TAF4: variants seen among roughly 807,000 people sequenced by gnomAD.
TAF4 encodes the protein TATA-box binding protein associated factor 4.
In TAF4, 9 loss-of-function variants were observed where a neutral mutation model predicts 90.3. The observed-to-expected ratio is 0.10, with a 90% CI of 0.06 to 0.17. The LOEUF (loss-of-function observed/expected upper bound fraction) is 0.17. TAF4 is among the 10% of genes least tolerant of loss of function. The pLI, the probability that TAF4 is intolerant of heterozygous loss-of-function variation, is 1.00. For synonymous variants in TAF4, 818 were observed against 638.9 expected (o/e 1.28, Z -4.23); for missense variants, 1,351 against 1,370.7 (o/e 0.99, Z 0.23).
At chr20:62,040,714 C>T (rs1043160277) in intron 1 of TAF4, among the ~76,000 whole-genome samples, 1 of 152,232 alleles carries the variant, frequency 6.6e-6, no homozygotes, top group African/African-American at 2.4e-5. Flanking sequence ...GATCTCACGG[C>T]AGCAGCACTG....
chr20:61,981,731 G>A (rs923927409), intron 14 of TAF4, among the ~76,000 whole-genome samples: 15 of 151,750 alleles, frequency 9.9e-5, no homozygotes, highest in East Asian at 1.9e-4. Flanking sequence ...CCCAGGAGAC[G>A]TTCACAAAAG....
intron 1 of TAF4, among the ~76,000 whole-genome samples, chr20:62,041,473 C>CA (rs1318166019): frequency 6.6e-6 from 1 of 151,890 alleles, no homozygotes; most frequent in African/African-American, 2.4e-5. Context: ...ACTAAAAATA[C>CA]AAAAAATCAG....
intron 14 of TAF4, among the ~76,000 whole-genome samples, chr20:61,984,677 G>GCACGATGAAGTGC (rs543174458): frequency 4.0e-5 from 1 of 24,940 alleles, no homozygotes; most frequent in African/African-American, 9.5e-5. Flanking sequence ...CGGGACATCA[G>GCACGATGAAGTGC]CACCCAGCTG....
At position 62,012,885 on chromosome 20, in the gene TAF4, A is replaced by G; in HGVS notation, c.1571T>C (p.Ile524Thr). 1 of 1,614,178 alleles carries G rather than the reference A, an allele frequency of 6.2e-7. No homozygotes were observed. The highest frequency in any genetic ancestry group is 8.5e-7 in the Non-Finnish European group (1 of 1,180,026). The change falls in exon 3 of 15, where the codon ATT (isoleucine) becomes ACT (threonine). Residue 524 changes from isoleucine (I) to threonine (T), a missense_variant. Around this residue, in one of 9 missense-constraint regions of TAF4, gnomAD observed 143 missense variants for 176.3 expected, o/e 0.81. Coordinates refer to ENST00000252996, the MANE Select transcript of TAF4 (RefSeq NM_003185.4). ...TGTCTGGGCCTGAGACACTTGCTTA[A>G]TTATGGTAGTTGGGGTCACCTGCCG... Reference protein sequence around the residue: ...IARQVTPTTIIKQVSQAQTTV... With the variant: ...IARQVTPTTITKQVSQAQTTV...
At position 62,045,804 on chromosome 20, in the gene TAF4, CTGCT is replaced by C. The variant is rs374931837; in HGVS notation, c.1360+18643_1360+18646del. On this transcript the variant is annotated intron_variant, in intron 1 of 14. Coordinates refer to ENST00000252996, the MANE Select transcript of TAF4 (RefSeq NM_003185.4). ...CTCGTCTAATCCAGAGCAGACGCTC[CTGCT>C]TGGACGAAGGGAAGACAGAACTGAC... 8.8e-3 allele frequency among the ~76,000 whole-genome samples: 1,336 copies of C among 152,296 alleles called. 21 individuals carry two copies. The highest frequency in any genetic ancestry group is 0.03 in the African/African-American group (1,263 of 41,542).
chr20:62,062,678 A>C (rs1388317587), intron 1 of TAF4, among the ~76,000 whole-genome samples: 1 of 152,188 alleles, frequency 6.6e-6, no homozygotes, highest in Non-Finnish European at 1.5e-5. Flanking sequence ...CCTAAAACTG[A>C]TCTTAAAACA....
At chr20:62,012,050 G>A (rs771473359) in intron 3 of TAF4, 2 of 152,402 alleles carry the variant, frequency 1.3e-5, no homozygotes, top group African/African-American at 2.4e-5. Flanking sequence ...GGGATCTGCA[G>A]GCCAAAGGCT....
rs950610634 is a variant in TAF4, at chr20:62,065,835, G to T, written c.-25C>A. 5 of 1,249,170 alleles carry T rather than the reference G, an allele frequency of 4.0e-6. No homozygotes were observed. In the African/African-American group the frequency reaches 6.5e-5, roughly 16 times the overall value. The allele number at this position is 1,249,170 out of a possible 1,614,324, so 77.4% of individuals were successfully genotyped here. Reference sequence around the variant, plus strand: ...TCTTTTTTCCTCGGCCGCCGCCGCCGCCGCCGCTCGGGCCGAGCGCGCCTG... The same window carrying T: ...TCTTTTTTCCTCGGCCGCCGCCGCCTCCGCCGCTCGGGCCGAGCGCGCCTG... On this transcript the variant is annotated 5_prime_UTR_variant, in exon 1 of 15. Transcript: ENST00000252996.
rs551749583 is a variant in TAF4, at chr20:62,065,822, GGCCGCC to G, written c.-18_-13del. ...GAGCCCGCCGCCATCTTTTTTCCTC[GGCCGCC>G]GCCGCCGCCGCCGCTCGGGCCGAGC... On this transcript the variant is annotated 5_prime_UTR_variant, in exon 1 of 15. Transcript: ENST00000252996. 4.5e-5 allele frequency: 57 copies of G among 1,266,602 alleles called. No individual in the cohort carries two copies. The highest frequency in any genetic ancestry group is 5.5e-5 in the Admixed American group (2 of 36,582). 78.5% of individuals were successfully genotyped at this position (1,266,602 alleles called of 1,614,324 possible). A position where few individuals can be genotyped will look rare whatever the true frequency, so the allele number is the denominator to read the frequency against.
At chr20:61,982,081 G>T in intron 14 of TAF4, among the ~76,000 whole-genome samples, 1 of 127,968 alleles carries the variant, frequency 7.8e-6, no homozygotes, top group Non-Finnish European at 1.6e-5. Context: ...CACCCGAGAG[G>T]AGACACCAAA....
In TAF4 at chr20:62,038,827, C is replaced by G. The variant is rs903851686; in HGVS notation, c.1361-24120G>C. ...CAGCACTTTGAGAGGCTGAGGCAGG[C>G]GGATCACCTGAGGTCAGGAATTCAA... On this transcript the variant is annotated intron_variant, in intron 1 of 14. Transcript: ENST00000252996. Among the ~76,000 whole-genome samples, 9 of 152,134 alleles carry G rather than the reference C, an allele frequency of 5.9e-5. No individual in the cohort carries two copies. The South Asian group carries it at 1.7e-3, about 28-fold the overall frequency.
At chr20:61,989,051 T>C (rs2055614365) in intron 14 of TAF4, among the ~76,000 whole-genome samples, 1 of 152,210 alleles carries the variant, frequency 6.6e-6, no homozygotes, top group South Asian at 2.1e-4. Context: ...GGTTCCTCAC[T>C]GTCTGAGAAG....
intron 14 of TAF4, chr20:61,978,905 A>G (rs372557001): frequency 1.3e-5 from 2 of 153,410 alleles, no homozygotes; most frequent in African/African-American, 2.4e-5. Flanking sequence ...ATTTTTCTTA[A>G]ATCTTAAAAG....
At chr20:62,014,383 T>A (rs1209773687) in intron 2 of TAF4, among the ~76,000 whole-genome samples, 164 bp downstream of exon 2, 1 of 151,542 alleles carries the variant, frequency 6.6e-6, no homozygotes, top group Non-Finnish European at 1.5e-5. Flanking sequence ...AGCAGCGCCG[T>A]CCCGGGCCCA....
At chr20:61,992,764 TG>T (rs1315452191) in intron 14 of TAF4, among the ~76,000 whole-genome samples, 2 of 151,834 alleles carry the variant, frequency 1.3e-5, no homozygotes, top group Non-Finnish European at 2.9e-5. Context: ...ACAGGAAAGG[TG>T]TAAGGTGAGC....
chr20:62,014,572 G>A lies in TAF4; in HGVS notation c.1496C>T (p.Pro499Leu). Residue 499 changes from proline to leucine, a missense_variant, in exon 2 of 15, where the codon CCT (proline) becomes CTT (leucine). Physicochemically the swap from Pro to Leu is moderately conservative, Grantham distance 98. Coordinates refer to ENST00000252996, the MANE Select transcript of TAF4 (RefSeq NM_003185.4). ...CTGTACGGTGGAGATCTGGACGGGA[G>A]GGGCACTTGTGGGGGTGGCAGGGCG... ...APRPATPTSA[P>L]PVQISTVQAP... is the part of the protein sequence containing the mutation. 6.2e-7 allele frequency: 1 copy of A among 1,613,792 alleles called. No homozygotes were observed. The highest frequency in any genetic ancestry group is 8.5e-7 in the Non-Finnish European group (1 of 1,179,916).
Position 62,006,812 on chromosome 20 carries a change from C to A in TAF4, c.1975-54G>T. 1 of 1,410,902 alleles carries A rather than the reference C, an allele frequency of 7.1e-7. No homozygotes were observed. Among genetic ancestry groups the A allele is most frequent in the South Asian group, 1.7e-5 (1 of 60,040 alleles). The allele number at this position is 1,410,902 out of a possible 1,614,324, so 87.4% of individuals were successfully genotyped here. A position where few individuals can be genotyped will look rare whatever the true frequency, so the allele number is the denominator to read the frequency against. The stretch of plus-strand genomic sequence containing the variant: ...AGGCGGCTGCTCATGCGTCGGTTTT[C>A]CTTGCTTAAAAATTCAGAAATATCA... On this transcript the variant is annotated intron_variant, in intron 6 of 14. Coordinates refer to ENST00000252996, the MANE Select transcript of TAF4 (RefSeq NM_003185.4). The surrounding 1 kb of genome is among the most constrained non-coding windows in gnomAD (Gnocchi z 7.0).
At chr20:62,048,446 T>A (rs1329903000) in intron 1 of TAF4, among the ~76,000 whole-genome samples, 1 of 152,062 alleles carries the variant, frequency 6.6e-6, no homozygotes. Context: ...GGCCAGCAGG[T>A]CCTAGCTAGC....
In TAF4 at chr20:62,051,125, G is replaced by A. The variant is rs543016234; in HGVS notation, c.1360+13326C>T. On this transcript the variant is annotated intron_variant, in intron 1 of 14. Transcript: ENST00000252996. ...TGAACCTCAGCCCATGGCCCCCAGT[G>A]TCAAGTGGAAGGCAGGGTGCAGGGC... is the stretch of plus-strand genomic sequence containing the variant. Among the ~76,000 whole-genome samples the A allele has an allele frequency of 9.8e-5, 15 of 152,364 alleles. No individual in the cohort carries two copies. The East Asian group carries it at 2.9e-3, about 29-fold the overall frequency.
Sources: allele counts gnomAD v4.1 joint callset (sites outside exome capture counted in the v4.1 genomes callset), GRCh38; gene constraint gnomAD v4.1.1; regional missense constraint gnomAD v4.1.1; non-coding constraint Gnocchi (gnomAD v3.1); transcripts MANE v1.5; gene names NCBI Gene and HGNC (gene_info 2026-07-23, HGNC 2026-07-21).